Variants in AR observed in about 807,000 individuals in gnomAD.
AR encodes androgen receptor.
A neutral mutation model predicts 53.9 loss-of-function variants in AR; 8 were observed. That is an observed-to-expected ratio of 0.15 (90% CI 0.09 to 0.27). AR has a LOEUF of 0.27. Ranked by LOEUF, AR falls within the 10% of genes least tolerant of loss-of-function variation. The probability of loss-of-function intolerance (pLI) is 1.00; values close to 1 mark genes in which losing one functional copy is unlikely to be tolerated. For missense variants in AR, 639 were observed against 742.5 expected (o/e 0.86, Z 1.62); for synonymous variants, 359 against 316.4 (o/e 1.13, Z -1.43).
intron 2 of AR, among the ~76,000 whole-genome samples, chrX:67,663,214 T>C (rs936304697): frequency 8.9e-6 from 1 of 112,045 alleles, no homozygotes; most frequent in Non-Finnish European, 1.9e-5. Context: ...AGTTTCTTCC[T>C]AGCCTCGACG....
At chrX:67,584,453 C>A (rs1922436216) in intron 1 of AR, among the ~76,000 whole-genome samples, 1 of 112,210 alleles carries the variant, frequency 8.9e-6, no homozygotes, top group African/African-American at 3.2e-5. Context: ...GAGGTAGCCC[C>A]TAAATGTGTT....
chrX:67,637,131 A>G (rs2147425049), intron 1 of AR, among the ~76,000 whole-genome samples: 1 of 110,086 alleles, frequency 9.1e-6, no homozygotes, highest in African/African-American at 3.3e-5. Flanking sequence ...CATAAAGTCT[A>G]CCCTCATAAC....
chrX:67,557,389 G>A (rs777620836), intron 1 of AR, among the ~76,000 whole-genome samples: 3 of 112,165 alleles, frequency 2.7e-5, no homozygotes, highest in Non-Finnish European at 5.6e-5. Context: ...CTGAAATGGT[G>A]AAGACTGTAT....
intron 7 of AR, among the ~76,000 whole-genome samples, chrX:67,723,328 G>C (rs1370886841): frequency 2.0e-5 from 2 of 100,629 alleles, no homozygotes; most frequent in East Asian, 3.2e-4. Flanking sequence ...GTGTGTGTGT[G>C]TGTGTGTGTG....
intron 1 of AR, among the ~76,000 whole-genome samples, chrX:67,631,898 G>A (rs1213397916): frequency 8.0e-5 from 9 of 112,996 alleles, no homozygotes; most frequent in African/African-American, 2.2e-4. Flanking sequence ...GTACCCGGCC[G>A]TGTGAGGTGT....
intron 2 of AR, among the ~76,000 whole-genome samples, chrX:67,684,723 A>C (rs1012647711): frequency 8.9e-6 from 1 of 112,254 alleles, no homozygotes; most frequent in Admixed American, 9.5e-5. Context: ...TTTAAGTAAA[A>C]GAAGTTCTTT....
chrX:67,723,603 C>T (rs2147539627), intron 7 of AR, 83 bp from the exon 8 acceptor site: 1 of 1,123,478 alleles, frequency 8.9e-7, no homozygotes, highest in Non-Finnish European at 1.2e-6. Context: ...GCTGAAAGAC[C>T]AAAAATCAGA....
intron 2 of AR, among the ~76,000 whole-genome samples, chrX:67,665,827 C>T (rs766855525): frequency 2.7e-5 from 3 of 111,917 alleles, no homozygotes; most frequent in Non-Finnish European, 5.6e-5. Context: ...AGTTTGCTGA[C>T]TCACACCATG....
chrX:67,691,341 A>G (rs916666556), intron 3 of AR, among the ~76,000 whole-genome samples: 4 of 112,308 alleles, frequency 3.6e-5, no homozygotes, highest in East Asian at 2.8e-4. Flanking sequence ...GTTTACTGGT[A>G]TGTGTCCTGA....
intron 2 of AR, among the ~76,000 whole-genome samples, chrX:67,677,807 G>A (rs1347508648): frequency 9.0e-6 from 1 of 111,089 alleles, no homozygotes; most frequent in Non-Finnish European, 1.9e-5. Flanking sequence ...TCTGTAAAAT[G>A]AGATTGTTGG....
chrX:67,681,419 C>T (rs760227215), intron 2 of AR, among the ~76,000 whole-genome samples: 2 of 111,943 alleles, frequency 1.8e-5, no homozygotes, highest in Admixed American at 1.9e-4. Flanking sequence ...GAAAAGATTT[C>T]TGCCACACTC....
intron 1 of AR, among the ~76,000 whole-genome samples, chrX:67,590,111 G>T (rs1426198129): frequency 2.7e-5 from 3 of 110,236 alleles, no homozygotes; most frequent in East Asian, 5.7e-4. Context: ...CCAGGTGTTT[G>T]ATGATCACTA....
chrX:67,684,669 C>A lies in AR; in HGVS notation c.1769-1341C>A, dbSNP rs181684895. 5.2e-4 allele frequency among the ~76,000 whole-genome samples: 58 copies of A among 111,451 alleles called. 1 individual carries two copies. Among genetic ancestry groups the A allele is most frequent in the Non-Finnish European group, 8.7e-4 (46 of 53,053 alleles). On this transcript the variant is annotated intron_variant, in intron 2 of 7. Transcript: ENST00000374690. Reference sequence around the variant, plus strand: ...TAAAAAGGAGGAAAGGAAAAAGGATCCTTTACTACAATAAAACTAATCTTA... The same window carrying A: ...TAAAAAGGAGGAAAGGAAAAAGGATACTTTACTACAATAAAACTAATCTTA...
intron 2 of AR, among the ~76,000 whole-genome samples, chrX:67,647,781 T>C (rs1309829335): frequency 8.9e-6 from 1 of 112,051 alleles, no homozygotes; most frequent in Non-Finnish European, 1.9e-5. Flanking sequence ...ATATGGTCTC[T>C]GTGTCAACTA....
intron 4 of AR, among the ~76,000 whole-genome samples, chrX:67,712,571 T>A (rs1171900269): frequency 8.9e-6 from 1 of 112,413 alleles, no homozygotes; most frequent in East Asian, 2.8e-4. Flanking sequence ...TCAAAAGAAT[T>A]GTACACAGAT....
intron 3 of AR, chrX:67,695,528 G>A: frequency 1.3e-6 from 1 of 753,646 alleles, no homozygotes; most frequent in Non-Finnish European, 1.6e-6. Context: ...TCCCAAGCCA[G>A]ACTCAAATAT....
At chrX:67,683,657 C>G (rs1354479839) in intron 2 of AR, among the ~76,000 whole-genome samples, 3 of 112,495 alleles carry the variant, frequency 2.7e-5, no homozygotes, top group African/African-American at 9.7e-5. Context: ...TAGAGATTTT[C>G]CTCTGTAACC....
intron 1 of AR, among the ~76,000 whole-genome samples, chrX:67,572,758 G>T (rs1235683111): frequency 9.0e-6 from 1 of 111,227 alleles, no homozygotes; most frequent in Non-Finnish European, 1.9e-5. Context: ...TTCTTTTCAG[G>T]TAGGAAACTC....
chrX:67,546,489 G>C lies in AR; in HGVS notation c.1343G>C (p.Gly448Ala). 8.8e-7 allele frequency: 1 copy of C among 1,139,908 alleles called. No homozygotes were observed. The highest frequency in any genetic ancestry group is 1.2e-6 in the Non-Finnish European group (1 of 854,284). 93.9% of individuals were successfully genotyped at this position (1,139,908 alleles called of 1,213,427 possible). Residue 448 changes from glycine (G) to alanine (A), a missense_variant, in exon 1 of 8, where the codon GGA (glycine) becomes GCA (alanine). This residue lies in a region of AR where 423 missense variants were observed against 377.0 expected (regional missense o/e 1.12). Coordinates refer to ENST00000374690, the MANE Select transcript of AR (RefSeq NM_000044.6). ...LFTAEEGQLY[G>A]PCGGGGGGGG... ...ACAGCCGAAGAAGGCCAGTTGTATG[G>C]ACCGTGTGGTGGTGGTGGGGGTGGT... is the stretch of plus-strand genomic sequence containing the variant.
Sources: allele counts gnomAD v4.1 joint callset (sites outside exome capture counted in the v4.1 genomes callset), GRCh38; gene constraint gnomAD v4.1.1; regional missense constraint gnomAD v4.1.1; transcripts MANE v1.5; gene names NCBI Gene and HGNC (gene_info 2026-07-23, HGNC 2026-07-21).